The following KIF26B variants were observed in gnomAD, a reference collection of about 807,000 sequenced individuals.
The protein encoded by KIF26B is kinesin-like protein KIF26B.
A neutral mutation model predicts 151.2 loss-of-function variants in KIF26B; 63 were observed. The observed-to-expected ratio is 0.42, with a 90% CI of 0.34 to 0.51. The LOEUF (loss-of-function observed/expected upper bound fraction) is 0.51, where lower values mean the gene tolerates loss of function less well. KIF26B is among the 20% of genes least tolerant of loss of function. The pLI, the probability that KIF26B is intolerant of heterozygous loss-of-function variation, is 0.07. For synonymous variants in KIF26B, 1,357 were observed against 1,262.1 expected (o/e 1.08, Z -1.59); for missense variants, 2,813 against 2,913.6 (o/e 0.97, Z 0.79).
chr1:245,702,465 G>A lies in KIF26B; in HGVS notation c.6186G>A (p.Leu2062=), dbSNP rs781734869. 2 of 1,613,902 alleles carry A rather than the reference G, an allele frequency of 1.2e-6. No individual in the cohort carries two copies. The highest frequency in any genetic ancestry group is 2.2e-5 in the South Asian group (2 of 91,078). Residue 2062 remains leucine, a synonymous_variant, in exon 15 of 15, where the codon TTG becomes TTA. Coordinates refer to ENST00000407071, the MANE Select transcript of KIF26B (RefSeq NM_018012.4). This position sits in a 1 kb window ranked among gnomAD's most constrained non-coding sequence, Gnocchi z 4.1. ...GCTCTTCCTCTCTTGCAGTTGACTT[G>A]GAGCAGGTTTGGGAGCTGGATTCCC... ...DPNKWLSEFD[L]EQVWELDSLE... is the part of the protein sequence containing the mutation.
intron 5 of KIF26B, among the ~76,000 whole-genome samples, chr1:245,588,404 A>G (rs1346209283): frequency 1.3e-5 from 2 of 152,142 alleles, no homozygotes; most frequent in Non-Finnish European, 2.9e-5. Flanking sequence ...GGGGCGGTGA[A>G]GGGAATTAAA....
chr1:245,376,047 T>C (rs1673265852), intron 3 of KIF26B, among the ~76,000 whole-genome samples: 1 of 152,110 alleles, frequency 6.6e-6, no homozygotes, highest in African/African-American at 2.4e-5. Context: ...AGTCTCATAC[T>C]GTTGAAACTG....
intron 2 of KIF26B, among the ~76,000 whole-genome samples, chr1:245,186,101 C>A (rs1349882626): frequency 7.2e-5 from 11 of 152,132 alleles, no homozygotes; most frequent in Admixed American, 7.2e-4. Flanking sequence ...TCTCGAACCC[C>A]TTACCTCGTG....
chr1:245,451,961 G>A (rs1200630108), intron 4 of KIF26B, among the ~76,000 whole-genome samples: 3 of 152,052 alleles, frequency 2.0e-5, no homozygotes, highest in Non-Finnish European at 2.9e-5. Flanking sequence ...TAAGATATGC[G>A]ATTCTAAGCA....
At chr1:245,531,768 T>C (rs1661366962) in intron 4 of KIF26B, among the ~76,000 whole-genome samples, 1 of 152,152 alleles carries the variant, frequency 6.6e-6, no homozygotes, top group Non-Finnish European at 1.5e-5. Flanking sequence ...AAGCACCCTG[T>C]CATTAAGCAT....
In KIF26B at chr1:245,705,273, T is replaced by G. The variant is rs2147975004; in HGVS notation, c.*2667T>G. Reference sequence around the variant, plus strand: ...GATGTTGTCCATTCTCTCTCTCTTCTCTTTGCTTTTTTTTGACCTAAATAA... The same window carrying G: ...GATGTTGTCCATTCTCTCTCTCTTCGCTTTGCTTTTTTTTGACCTAAATAA... On this transcript the variant is annotated 3_prime_UTR_variant, in exon 15 of 15. Coordinates refer to ENST00000407071, the MANE Select transcript of KIF26B (RefSeq NM_018012.4). 6.6e-6 allele frequency: 1 copy of G among 152,280 alleles called. No individual in the cohort carries two copies. Among genetic ancestry groups the G allele is most frequent in the East Asian group, 1.9e-4 (1 of 5,178 alleles). 9.4% of individuals were successfully genotyped at this position (152,280 alleles called of 1,614,324 possible). A position where few individuals can be genotyped will look rare whatever the true frequency, so the allele number is the denominator to read the frequency against.
intron 4 of KIF26B, among the ~76,000 whole-genome samples, chr1:245,449,564 C>T (rs1461273686): frequency 5.9e-5 from 9 of 152,236 alleles, no homozygotes; most frequent in Non-Finnish European, 1.2e-4. Context: ...CTGACGTGTG[C>T]GTTTCCACTT....
At position 245,466,992 on chromosome 1, in the gene KIF26B, C is replaced by T. The variant is rs151071483; in HGVS notation, c.1166+47247C>T. ...TTTCTTAAATGAATGACACTCACTT[C>T]GAGAAGAAGGCCCGTCTAACCTCAG... On this transcript the variant is annotated intron_variant, in intron 4 of 14. Coordinates refer to ENST00000407071, the MANE Select transcript of KIF26B (RefSeq NM_018012.4). Among the ~76,000 whole-genome samples the T allele has an allele frequency of 2.9e-3, 435 of 152,288 alleles. 3 individuals carry two copies. The highest frequency in any genetic ancestry group is 8.4e-3 in the African/African-American group (350 of 41,550).
At chr1:245,240,558 G>A (rs555536348) in intron 2 of KIF26B, among the ~76,000 whole-genome samples, 2 of 152,280 alleles carry the variant, frequency 1.3e-5, no homozygotes, top group Admixed American at 6.5e-5. Flanking sequence ...TCAGACTCTC[G>A]TGAGATTATA....
chr1:245,303,667 A>G (rs1323597019), intron 2 of KIF26B, among the ~76,000 whole-genome samples: 2 of 152,232 alleles, frequency 1.3e-5, no homozygotes, highest in East Asian at 1.9e-4. Flanking sequence ...AGTTTCTTAT[A>G]TTAACTAAAG....
intron 5 of KIF26B, among the ~76,000 whole-genome samples, chr1:245,547,585 C>CAAAA (rs56218217): frequency 9.3e-4 from 106 of 114,352 alleles, no homozygotes; most frequent in South Asian, 2.0e-3. Flanking sequence ...GACTCCATCT[C>CAAAA]AAAAAAAAAA....
chr1:245,156,571 G>T lies in KIF26B; in HGVS notation c.353G>T (p.Gly118Val), dbSNP rs1668438879. ...TGSPGSGSGG[G>V]SSPGSDRGVW... ...TCCCCGGGCTCCGGCAGCGGCGGCG[G>T]CTCCTCCCCCGGCTCGGACCGCGGC... is the stretch of plus-strand genomic sequence containing the variant. Residue 118 changes from glycine to valine, a missense_variant, in exon 2 of 15, where the codon GGC becomes GTC. Physicochemically the swap from Gly to Val is moderately radical, Grantham distance 109 (BLOSUM62 -3). This residue lies in a region of KIF26B where 676 missense variants were observed against 688.1 expected (regional missense o/e 0.98). Transcript: ENST00000407071. 2 of 1,530,720 alleles carry T rather than the reference G, an allele frequency of 1.3e-6. No individual in the cohort carries two copies. The highest frequency in any genetic ancestry group is 1.7e-6 in the Non-Finnish European group (2 of 1,145,128). 94.8% of individuals were successfully genotyped at this position (1,530,720 alleles called of 1,614,324 possible).
At chr1:245,422,152 C>T (rs1658505995) in intron 4 of KIF26B, among the ~76,000 whole-genome samples, 1 of 152,098 alleles carries the variant, frequency 6.6e-6, no homozygotes, top group Admixed American at 6.5e-5. Context: ...ACTTTCTGTG[C>T]AGTGAACGCT....
At chr1:245,679,641 G>T (rs982386544) in intron 10 of KIF26B, among the ~76,000 whole-genome samples, 1 of 151,686 alleles carries the variant, frequency 6.6e-6, no homozygotes. Context: ...GATAATTTTT[G>T]TATTTTTAGT....
chr1:245,540,891 G>T lies in KIF26B; in HGVS notation c.1291G>T (p.Ala431Ser). The T allele has an allele frequency of 6.2e-7, 1 of 1,613,904 alleles. No homozygotes were observed. Among genetic ancestry groups the T allele is most frequent in the African/African-American group, 1.3e-5 (1 of 75,008 alleles). Residue 431 changes from alanine (A) to serine (S), a missense_variant, in exon 5 of 15, where the codon GCC becomes TCC. Physicochemically the swap from Ala to Ser is moderately conservative, Grantham distance 99. Transcript: ENST00000407071. This position sits in a 1 kb window ranked among gnomAD's most constrained non-coding sequence, Gnocchi z 4.6. ...GATTCTGCAGACCTCCCCTCCCCCA[G>T]CCCCACCCTGCCTGCTGAGGGCTGT... ...SGILQTSPPPAPPCLLRAVNK... is the reference protein window; with the variant it reads ...SGILQTSPPPSPPCLLRAVNK...
chr1:245,155,367 G>A lies in KIF26B; in HGVS notation c.-58G>A. 1 of 1,425,770 alleles carries A rather than the reference G, an allele frequency of 7.0e-7. No homozygotes were observed. The highest frequency in any genetic ancestry group is 1.9e-5 in the Admixed American group (1 of 52,684). 88.3% of individuals were successfully genotyped at this position (1,425,770 alleles called of 1,614,324 possible). ...GCCGGGGGACGCTTCTGGGTTGGAG[G>A]ACCTTCTGGATGTAGCGTCGGTGGA... On this transcript the variant is annotated 5_prime_UTR_variant, in exon 1 of 15. Coordinates refer to ENST00000407071, the MANE Select transcript of KIF26B (RefSeq NM_018012.4).
At chr1:245,456,933 T>G (rs1659545718) in intron 4 of KIF26B, among the ~76,000 whole-genome samples, 1 of 152,214 alleles carries the variant, frequency 6.6e-6, no homozygotes, top group South Asian at 2.1e-4. Flanking sequence ...TGGCATGATC[T>G]TGGCTCACTG....
At chr1:245,207,475 A>C (rs1003782541) in intron 2 of KIF26B, among the ~76,000 whole-genome samples, 16 of 152,178 alleles carry the variant, frequency 1.1e-4, no homozygotes, top group African/African-American at 3.9e-4. Flanking sequence ...AGTGAGTAGC[A>C]GACGTGGGCT....
intron 4 of KIF26B, among the ~76,000 whole-genome samples, chr1:245,515,623 C>T (rs1660944494): frequency 6.6e-6 from 1 of 152,170 alleles, no homozygotes; most frequent in South Asian, 2.1e-4. Context: ...GTTGGTTTCT[C>T]AGATACTGAG....
Sources: allele counts gnomAD v4.1 joint callset (sites outside exome capture counted in the v4.1 genomes callset), GRCh38; gene constraint gnomAD v4.1.1; regional missense constraint gnomAD v4.1.1; non-coding constraint Gnocchi (gnomAD v3.1); transcripts MANE v1.5; gene names NCBI Gene and HGNC (gene_info 2026-07-23, HGNC 2026-07-21).